The following AFG2A variants were observed in gnomAD, a reference collection of about 807,000 sequenced individuals.
AFG2A encodes the protein ATPase family gene 2 protein homolog A.
At chr4:123,002,556 A>C in the AFG2A span, among the ~76,000 whole-genome samples, 104 of 151,994 alleles carry the variant, frequency 6.8e-4, 1 homozygote, top group African/African-American at 2.3e-3. Context: ...TTTCTCCTTC[A>C]CTTATGAAGC....
At chr4:122,944,264 C>T in the AFG2A span, among the ~76,000 whole-genome samples, 2 of 152,096 alleles carry the variant, frequency 1.3e-5, no homozygotes, top group African/African-American at 4.8e-5. Context: ...CCGTCACTTT[C>T]AAGTACACCA....
chr4:123,091,427 G>A, the AFG2A span, among the ~76,000 whole-genome samples: 1 of 152,092 alleles, frequency 6.6e-6, no homozygotes, highest in Non-Finnish European at 1.5e-5. Flanking sequence ...CTTACTTTTA[G>A]CATATTTCTC....
At chr4:123,002,706 A>T in the AFG2A span, among the ~76,000 whole-genome samples, 1 of 152,120 alleles carries the variant, frequency 6.6e-6, no homozygotes, top group African/African-American at 2.4e-5. Context: ...CTTTGTGGGT[A>T]ACCTGACCTT....
chr4:122,966,349 C>A, the AFG2A span, among the ~76,000 whole-genome samples: 1 of 152,156 alleles, frequency 6.6e-6, no homozygotes, highest in Non-Finnish European at 1.5e-5. Flanking sequence ...TCCTCACATA[C>A]CTACAAACGA....
chr4:122,970,063 A>C, the AFG2A span, among the ~76,000 whole-genome samples: 1 of 152,164 alleles, frequency 6.6e-6, no homozygotes, highest in Non-Finnish European at 1.5e-5. Context: ...GCCTAAGTGG[A>C]TAGTGTTTAC....
the AFG2A span, among the ~76,000 whole-genome samples, chr4:122,943,090 G>A: frequency 6.6e-6 from 1 of 152,186 alleles, no homozygotes; most frequent in Non-Finnish European, 1.5e-5. Context: ...GTGGTGTGGT[G>A]CTGAAAAGAA....
the AFG2A span, chr4:122,979,452 C>G: frequency 6.6e-7 from 1 of 1,516,634 alleles, no homozygotes; most frequent in Non-Finnish European, 8.9e-7. Context: ...ATTTAGAGTT[C>G]AGGGAGACTG....
chr4:122,964,417 T>C, the AFG2A span, among the ~76,000 whole-genome samples: 2 of 151,084 alleles, frequency 1.3e-5, no homozygotes, highest in African/African-American at 4.9e-5. Context: ...GGCACAAGAA[T>C]TGCTTGAACC....
At chr4:123,047,975 C>T in the AFG2A span, among the ~76,000 whole-genome samples, 3 of 152,128 alleles carry the variant, frequency 2.0e-5, no homozygotes, top group East Asian at 3.8e-4. Context: ...GCTGGGATTA[C>T]AGGAGTGAGT....
the AFG2A span, among the ~76,000 whole-genome samples, chr4:122,984,135 A>C: frequency 6.6e-6 from 1 of 151,960 alleles, no homozygotes; most frequent in Admixed American, 6.6e-5. Flanking sequence ...TATTTCTTTC[A>C]GTTGTGTTTT....
the AFG2A span, among the ~76,000 whole-genome samples, chr4:123,254,591 C>T: frequency 0.022 from 3,337 of 152,232 alleles, 63 homozygotes; most frequent in Non-Finnish European, 0.035. Context: ...AGACACATAC[C>T]TCTTTTTAAC....
the AFG2A span, among the ~76,000 whole-genome samples, chr4:122,948,123 G>GT: frequency 1.3e-5 from 2 of 152,080 alleles, no homozygotes; most frequent in Non-Finnish European, 1.5e-5. Flanking sequence ...GTTATGCATA[G>GT]TTTTTTGACT....
the AFG2A span, among the ~76,000 whole-genome samples, chr4:123,200,507 C>T: frequency 5.9e-5 from 9 of 152,114 alleles, no homozygotes; most frequent in African/African-American, 1.9e-4. Context: ...ATGGCATACG[C>T]AATCTGTTAA....
the AFG2A span, among the ~76,000 whole-genome samples, chr4:123,279,061 T>A: frequency 6.6e-6 from 1 of 152,096 alleles, no homozygotes; most frequent in African/African-American, 2.4e-5. Flanking sequence ...GTCAAAGAAA[T>A]CTGAAATGTT....
the AFG2A span, among the ~76,000 whole-genome samples, chr4:123,083,432 G>A: frequency 6.6e-6 from 1 of 151,874 alleles, no homozygotes; most frequent in Non-Finnish European, 1.5e-5. Context: ...GTCTTGATGA[G>A]ATGGATTAAA....
At chr4:122,928,979 T>C in the AFG2A span, 1 of 1,560,894 alleles carries the variant, frequency 6.4e-7, no homozygotes, top group East Asian at 2.4e-5. Flanking sequence ...TTCTACCTTA[T>C]AAATTGATGG....
chr4:123,161,610 T>C, the AFG2A span, among the ~76,000 whole-genome samples: 1 of 152,120 alleles, frequency 6.6e-6, no homozygotes, highest in Non-Finnish European at 1.5e-5. Context: ...CTAATAGAGC[T>C]AGGCAAGGAA....
chr4:122,958,601 A>G, the AFG2A span, among the ~76,000 whole-genome samples: 1 of 152,206 alleles, frequency 6.6e-6, no homozygotes, highest in Non-Finnish European at 1.5e-5. Flanking sequence ...TGTAGAATTT[A>G]CTAAACTCGG....
the AFG2A span, among the ~76,000 whole-genome samples, chr4:123,207,634 A>G: frequency 6.6e-6 from 1 of 152,130 alleles, no homozygotes; most frequent in Non-Finnish European, 1.5e-5. Flanking sequence ...GTTTCTGTAC[A>G]CCAGAAGTGA....
Sources: gnomAD v4.1 joint callset for allele counts (sites outside exome capture counted in the v4.1 genomes callset) on GRCh38, gnomAD v4.1.1 for gene constraint, MANE v1.5 for transcripts, NCBI Gene and HGNC (gene_info 2026-07-23, HGNC 2026-07-21) for gene names.